Variants in ZFYVE28 observed in about 807,000 individuals in gnomAD.
ZFYVE28 encodes the protein zinc finger FYVE-type containing 28, also known as lateral signaling target protein 2 homolog.
ZFYVE28 carries 40 observed loss-of-function variants against 82.1 expected under a neutral mutation model. The ratio of observed to expected loss-of-function variants is 0.49; its 90% CI spans 0.38 to 0.63. The LOEUF (loss-of-function observed/expected upper bound fraction) is 0.63. Among genes scored for constraint, ZFYVE28 ranks in the 30% least tolerant of loss-of-function variants. ZFYVE28 has a pLI of 0.00. For missense variants in ZFYVE28, 1,321 were observed against 1,242.1 expected (o/e 1.06, Z -0.96); for synonymous variants, 612 against 546.1 (o/e 1.12, Z -1.68).
chr4:2,313,138 C>A lies in ZFYVE28; in HGVS notation c.803+7032G>T, dbSNP rs368872228. Among the ~76,000 whole-genome samples the A allele has an allele frequency of 3.9e-3, 576 of 149,604 alleles. 1 individual carries two copies. Among genetic ancestry groups the A allele is most frequent in the South Asian group, 0.016 (75 of 4,754 alleles). On this transcript the variant is annotated intron_variant, in intron 7 of 12. Coordinates refer to ENST00000290974, the MANE Select transcript of ZFYVE28 (RefSeq NM_020972.3). ...CCAGGTTTTTTTTTTTTTTTGATAC[C>A]TGGCTCACTAAAGTCAGAGTACATA...
chr4:2,385,380 C>A (rs1437339654), intron 1 of ZFYVE28, among the ~76,000 whole-genome samples: 5 of 152,182 alleles, frequency 3.3e-5, no homozygotes, highest in African/African-American at 1.2e-4. Context: ...GCTGAGAGAG[C>A]ACCTGCTGCC....
intron 1 of ZFYVE28, among the ~76,000 whole-genome samples, chr4:2,396,993 G>A (rs79472554): frequency 0.092 from 13,933 of 152,270 alleles, 819 homozygotes; most frequent in Non-Finnish European, 0.12. Context: ...CAGGACAGGA[G>A]CCAGGGCAGA....
At chr4:2,344,274 G>A (rs910177190) in intron 2 of ZFYVE28, among the ~76,000 whole-genome samples, 3 of 152,156 alleles carry the variant, frequency 2.0e-5, no homozygotes, top group African/African-American at 4.8e-5. Context: ...ATGCCTGTGG[G>A]GAGATGACCT....
chr4:2,319,800 CGGTGGGGACGGTGGGGAT>C (rs1191272349), intron 7 of ZFYVE28, among the ~76,000 whole-genome samples: 3 of 28,670 alleles, frequency 1.0e-4, no homozygotes, highest in Non-Finnish European at 2.1e-4. Context: ...GCTTTGGGGA[CGGTGGGGACGGTGGGGAT>C]GGTGGGGATG....
chr4:2,342,768 T>C (rs534939555), intron 2 of ZFYVE28: 28 of 152,344 alleles, frequency 1.8e-4, no homozygotes, highest in African/African-American at 6.3e-4. Context: ...ACAAAAACAC[T>C]GGAAGTTTAA....
chr4:2,314,449 T>C (rs555553902), intron 7 of ZFYVE28, among the ~76,000 whole-genome samples: 4 of 152,242 alleles, frequency 2.6e-5, no homozygotes, highest in African/African-American at 9.6e-5. Context: ...TTTTTTTCTA[T>C]TTGGTCCATT....
At chr4:2,289,055 G>A (rs1713194613) in intron 8 of ZFYVE28, among the ~76,000 whole-genome samples, 1 of 152,208 alleles carries the variant, frequency 6.6e-6, no homozygotes, top group South Asian at 2.1e-4. Flanking sequence ...AGGCCAAGGT[G>A]GGAGATCACT....
chr4:2,413,314 C>T (rs1443670191), intron 1 of ZFYVE28, among the ~76,000 whole-genome samples: 1 of 152,246 alleles, frequency 6.6e-6, no homozygotes, highest in Admixed American at 6.5e-5. Context: ...CACTGCACTC[C>T]CGCTGACCAC....
At chr4:2,375,214 G>A (rs528733305) in intron 1 of ZFYVE28, among the ~76,000 whole-genome samples, 2 of 152,300 alleles carry the variant, frequency 1.3e-5, no homozygotes, top group African/African-American at 2.4e-5. Flanking sequence ...GCAGCCTCGG[G>A]GAAGGTGGCT....
rs534571469 is a variant in ZFYVE28, at chr4:2,332,802, G to A, written c.701+2903C>T. Among the ~76,000 whole-genome samples the A allele has an allele frequency of 4.6e-5, 7 of 152,156 alleles. No individual in the cohort carries two copies. Among genetic ancestry groups the A allele is most frequent in the African/African-American group, 1.7e-4 (7 of 41,482 alleles). On this transcript the variant is annotated intron_variant, in intron 6 of 12. Coordinates refer to ENST00000290974, the MANE Select transcript of ZFYVE28 (RefSeq NM_020972.3). This position sits in a 1 kb window ranked among gnomAD's most constrained non-coding sequence, Gnocchi z 4.7. ...ACAGCTGCCCACTCAGCACTCACCC[G>A]CTCAGCACTCACCCGCCCTGCTCGA...
At chr4:2,307,307 G>T (rs749730434) in intron 7 of ZFYVE28, among the ~76,000 whole-genome samples, 18 of 152,062 alleles carry the variant, frequency 1.2e-4, no homozygotes, top group Non-Finnish European at 2.5e-4. Flanking sequence ...TTCTTTATTA[G>T]ATATATTCTC....
chr4:2,313,797 C>T (rs1228066375), intron 7 of ZFYVE28, among the ~76,000 whole-genome samples: 1 of 147,882 alleles, frequency 6.8e-6, no homozygotes, highest in African/African-American at 2.5e-5. Context: ...TGCAATGAGC[C>T]GAGATCGCAC....
intron 6 of ZFYVE28, among the ~76,000 whole-genome samples, chr4:2,333,539 C>T (rs769982570): frequency 3.3e-5 from 5 of 152,006 alleles, no homozygotes; most frequent in Non-Finnish European, 2.9e-5. Flanking sequence ...GTGCGGCCTG[C>T]GGGGAGGGTC....
rs1736183505 is a variant in ZFYVE28, at chr4:2,274,170, C to T, written c.2098G>A (p.Ala700Thr). The T allele has an allele frequency of 1.9e-6, 3 of 1,613,758 alleles. No homozygotes were observed. Among genetic ancestry groups the T allele is most frequent in the African/African-American group, 2.7e-5 (2 of 74,930 alleles). ...SCSSDKMGPE[A>T]APAATHAAPQ... is the part of the protein sequence containing the mutation. ...GCAGCATGCGTGGCTGCTGGGGCCG[C>T]CTCTGGCCCCATCTTGTCTGAGGAG... The change falls in exon 9 of 13, where the codon GCG (alanine) becomes ACG (threonine). Residue 700 changes from alanine to threonine, a missense_variant. Ala to Thr is a moderately conservative substitution (Grantham distance 58, BLOSUM62 0). Transcript: ENST00000290974.
intron 2 of ZFYVE28, among the ~76,000 whole-genome samples, chr4:2,348,604 C>T (rs1237497476): frequency 6.6e-6 from 1 of 152,172 alleles, no homozygotes; most frequent in Non-Finnish European, 1.5e-5. Flanking sequence ...CCCAGGAATG[C>T]AGGAGTAATT....
In ZFYVE28 at chr4:2,300,901, C is replaced by T. The variant is rs1427378180; in HGVS notation, c.2051+3388G>A. ...TCTCACGGCCAAACAGGCCCGGGCT[C>T]TTCCAGATGCTCTCAGCTGAGGCAA... On this transcript the variant is annotated intron_variant, in intron 8 of 12. Coordinates refer to ENST00000290974, the MANE Select transcript of ZFYVE28 (RefSeq NM_020972.3). This position sits in a 1 kb window ranked among gnomAD's most constrained non-coding sequence, Gnocchi z 4.6. 1.3e-5 allele frequency among the ~76,000 whole-genome samples: 2 copies of T among 152,196 alleles called. No homozygotes were observed. The highest frequency in any genetic ancestry group is 3.9e-4 in the East Asian group (2 of 5,192).
chr4:2,369,366 G>A (rs549423046), intron 1 of ZFYVE28, among the ~76,000 whole-genome samples: 3 of 152,196 alleles, frequency 2.0e-5, no homozygotes, highest in Admixed American at 6.5e-5. Flanking sequence ...CCTTTGTTGT[G>A]ATTAGGACCT....
At chr4:2,360,607 C>T (rs1249121144) in intron 1 of ZFYVE28, among the ~76,000 whole-genome samples, 1 of 152,118 alleles carries the variant, frequency 6.6e-6, no homozygotes. Flanking sequence ...GTCATCCCAC[C>T]CAGACCCCTC....
Position 2,304,176 on chromosome 4 carries a change from C to T in ZFYVE28, c.2051+113G>A, listed in dbSNP as rs59992465. 6,195 of 1,382,976 alleles carry T rather than the reference C, an allele frequency of 4.5e-3. 171 individuals are homozygous for T. The African/African-American group carries it at 0.06, about 13-fold the overall frequency. 85.7% of individuals were successfully genotyped at this position (1,382,976 alleles called of 1,614,324 possible). On this transcript the variant is annotated intron_variant, in intron 8 of 12. Coordinates refer to ENST00000290974, the MANE Select transcript of ZFYVE28 (RefSeq NM_020972.3). ...ACACTCGGCCAGGGCCCAGCACCTGCCGGTGGCCAAGATGGCTCAGGTAGA... is the reference window on the plus strand; with the variant it reads ...ACACTCGGCCAGGGCCCAGCACCTGTCGGTGGCCAAGATGGCTCAGGTAGA...
Sources: allele counts gnomAD v4.1 joint callset (sites outside exome capture counted in the v4.1 genomes callset), GRCh38; gene constraint gnomAD v4.1.1; non-coding constraint Gnocchi (gnomAD v3.1); transcripts MANE v1.5; gene names NCBI Gene and HGNC (gene_info 2026-07-23, HGNC 2026-07-21).